Variants in CLVS1 observed in about 807,000 individuals in gnomAD.
The protein encoded by CLVS1 is clavesin 1.
Under a neutral mutation model 33.1 loss-of-function variants are expected in CLVS1, and 10 were observed. The ratio of observed to expected loss-of-function variants is 0.30; its 90% CI spans 0.19 to 0.51. CLVS1 has a LOEUF of 0.51. Ranked by LOEUF, CLVS1 falls within the 20% of genes least tolerant of loss-of-function variation. The pLI, the probability that CLVS1 is intolerant of heterozygous loss-of-function variation, is 0.97. For synonymous variants in CLVS1, 163 were observed against 166.1 expected, an observed-to-expected ratio of 0.98 and a Z score of 0.14; for missense variants, 343 against 433.4, an observed-to-expected ratio of 0.79 and a Z score of 1.85.
the CLVS1 span, among the ~76,000 whole-genome samples, chr8:61,046,212 G>C: frequency 6.8e-6 from 1 of 147,246 alleles, no homozygotes; most frequent in African/African-American, 2.6e-5. Flanking sequence ...CATATGGCTA[G>C]CCAGTTTTCC....
intron 1 of CLVS1, among the ~76,000 whole-genome samples, chr8:61,292,787 C>G (rs1323659337): frequency 6.6e-6 from 1 of 152,120 alleles, no homozygotes; most frequent in East Asian, 1.9e-4. Flanking sequence ...CAATTAAAGA[C>G]TTTTTCTACC....
intron 3 of CLVS1, among the ~76,000 whole-genome samples, chr8:61,423,102 A>C (rs1478455078): frequency 6.6e-6 from 1 of 152,096 alleles, no homozygotes; most frequent in Non-Finnish European, 1.5e-5. Flanking sequence ...GAATGAGCCC[A>C]ATGCACCTTG....
rs1007467833 is a variant in CLVS1, at chr8:61,450,803, G to A, written c.631-3338G>A. On this transcript the variant is annotated intron_variant, in intron 3 of 5. Transcript: ENST00000325897. ...AGAAAAAAAGAGAAGTGAAGGTTTGGCAGAGTTTGGGTAATTATTACTGCT... is the reference window on the plus strand; with the variant it reads ...AGAAAAAAAGAGAAGTGAAGGTTTGACAGAGTTTGGGTAATTATTACTGCT... Among the ~76,000 whole-genome samples, 20 of 152,142 alleles carry A rather than the reference G, an allele frequency of 1.3e-4. 1 individual carries two copies. Among genetic ancestry groups the A allele is most frequent in the African/African-American group, 4.8e-4 (20 of 41,424 alleles).
chr8:61,042,845 C>T, the CLVS1 span, among the ~76,000 whole-genome samples: 25 of 152,282 alleles, frequency 1.6e-4, no homozygotes, highest in Middle Eastern at 3.4e-3. Flanking sequence ...AGTTCTCAGA[C>T]GTGGAGCCCA....
At chr8:61,157,292 G>A (rs966399351) in intron 2 of CLVS1, among the ~76,000 whole-genome samples, 2 of 152,120 alleles carry the variant, frequency 1.3e-5, no homozygotes, top group Admixed American at 1.3e-4. Flanking sequence ...GATTTACAGG[G>A]AAAGGAAAAT....
At chr8:61,312,687 G>A (rs945516668) in intron 2 of CLVS1, among the ~76,000 whole-genome samples, 1 of 152,190 alleles carries the variant, frequency 6.6e-6, no homozygotes, top group African/African-American at 2.4e-5. Context: ...CCCTGAGCAT[G>A]TGGTTTCATT....
chr8:61,142,194 C>T (rs1259818280), intron 2 of CLVS1, among the ~76,000 whole-genome samples: 1 of 152,060 alleles, frequency 6.6e-6, no homozygotes, highest in Non-Finnish European at 1.5e-5. Flanking sequence ...GGTGGTTTCC[C>T]CCATGCTGTT....
At chr8:61,249,084 G>A (rs1285512207) in intron 2 of CLVS1, among the ~76,000 whole-genome samples, 2 of 151,966 alleles carry the variant, frequency 1.3e-5, no homozygotes, top group Non-Finnish European at 2.9e-5. Flanking sequence ...CCCCTGACAG[G>A]CCCCAGTGTG....
chr8:61,402,867 G>A (rs1327892412), intron 3 of CLVS1, among the ~76,000 whole-genome samples: 1 of 152,196 alleles, frequency 6.6e-6, no homozygotes, highest in African/African-American at 2.4e-5. Flanking sequence ...TGTCTGCCCA[G>A]ATAAAGGATA....
At chr8:61,259,102 A>G (rs766578741) in intron 2 of CLVS1, among the ~76,000 whole-genome samples, 1 of 152,234 alleles carries the variant, frequency 6.6e-6, no homozygotes, top group Non-Finnish European at 1.5e-5. Context: ...TCACCTACAA[A>G]GTGATTTAAT....
intron 2 of CLVS1, among the ~76,000 whole-genome samples, chr8:61,316,876 C>G (rs1190392164): frequency 4.6e-5 from 7 of 152,096 alleles, no homozygotes; most frequent in Admixed American, 2.6e-4. Context: ...CCTCAATTTT[C>G]TCACCTATAA....
intron 2 of CLVS1, among the ~76,000 whole-genome samples, chr8:61,200,785 A>T (rs574434392): frequency 6.6e-6 from 1 of 152,176 alleles, no homozygotes; most frequent in African/African-American, 2.4e-5. Flanking sequence ...TCAATAGGCA[A>T]CATAATTATT....
chr8:61,193,404 G>A (rs1397157830), intron 2 of CLVS1, among the ~76,000 whole-genome samples: 1 of 151,944 alleles, frequency 6.6e-6, no homozygotes, highest in African/African-American at 2.4e-5. Flanking sequence ...AGCATTAGGA[G>A]ATATACCTAA....
chr8:61,357,439 C>A (rs1347201076), intron 2 of CLVS1, among the ~76,000 whole-genome samples: 1 of 128,256 alleles, frequency 7.8e-6, no homozygotes, highest in African/African-American at 2.9e-5. Flanking sequence ...ATTTTTTCAA[C>A]TTTTCTGTTT....
intron 5 of CLVS1, among the ~76,000 whole-genome samples, chr8:61,485,862 A>G (rs970617535): frequency 3.3e-5 from 5 of 151,968 alleles, no homozygotes; most frequent in African/African-American, 7.2e-5. Context: ...ACCAAACACC[A>G]CATGTTCTCA....
At chr8:61,011,053 G>C in the CLVS1 span, among the ~76,000 whole-genome samples, 1 of 152,196 alleles carries the variant, frequency 6.6e-6, no homozygotes, top group East Asian at 1.9e-4. Context: ...CCGCTGTAAT[G>C]GGAGACCCTA....
At chr8:61,243,489 T>G (rs561743493) in intron 2 of CLVS1, among the ~76,000 whole-genome samples, 10 of 152,280 alleles carry the variant, frequency 6.6e-5, no homozygotes, top group African/African-American at 2.2e-4. Context: ...ATATGCAGGT[T>G]TTTCTATTGG....
rs144176710 is a variant in CLVS1, at chr8:61,113,347, C to G, written c.-242-18423C>G. Among the ~76,000 whole-genome samples the G allele has an allele frequency of 2.4e-3, 361 of 152,214 alleles. 3 individuals carry two copies. Among genetic ancestry groups the G allele is most frequent in the Non-Finnish European group, 9.1e-4 (62 of 68,024 alleles). On this transcript the variant is annotated intron_variant, in intron 1 of 2. Coordinates refer to the CLVS1 transcript ENST00000522621. ...AGGCTGCTGAGTCCTAGAGAATGTC[C>G]AGATGAAACAAGCATCATGTTTTGA...
At position 61,458,339 on chromosome 8, in the gene CLVS1, T is replaced by G. The variant is rs770507778; in HGVS notation, c.774T>G (p.Leu258=). 2.5e-6 allele frequency: 4 copies of G among 1,614,072 alleles called. No homozygotes were observed. Among genetic ancestry groups the G allele is most frequent in the Non-Finnish European group, 3.4e-6 (4 of 1,179,970 alleles). Residue 258 remains leucine, a synonymous_variant, in exon 5 of 6, where the codon CTT becomes CTG. Coordinates refer to ENST00000325897, the MANE Select transcript of CLVS1 (RefSeq NM_173519.3). ...IFLHGNNLNS[L]HQLIHPEFLP... Reference sequence around the variant, plus strand: ...TGCATGGAAACAATTTAAACAGCCTTCACCAGCTAATACACCCTGAATTTT... The same window carrying G: ...TGCATGGAAACAATTTAAACAGCCTGCACCAGCTAATACACCCTGAATTTT...
Sources: gnomAD v4.1 joint callset for allele counts (sites outside exome capture counted in the v4.1 genomes callset) on GRCh38, gnomAD v4.1.1 for gene constraint, MANE v1.5 for transcripts, NCBI Gene and HGNC (gene_info 2026-07-23, HGNC 2026-07-21) for gene names.